DRGX: variants seen among roughly 807,000 people sequenced by gnomAD.
The protein encoded by DRGX is dorsal root ganglia homeobox.
A neutral mutation model predicts 28.6 loss-of-function variants in DRGX; 21 were observed. The observed-to-expected ratio is 0.73, with a 90% CI of 0.52 to 1.06. DRGX has a LOEUF of 1.06. Among genes scored for constraint, DRGX ranks in the 50% least tolerant of loss-of-function variants. DRGX has a pLI of 0.00. For missense variants in DRGX, 354 were observed against 343.9 expected, an observed-to-expected ratio of 1.03 and a Z score of -0.23; for synonymous variants, 136 against 139.1, an observed-to-expected ratio of 0.98 and a Z score of 0.16.
chr10:49,378,056 A>G (rs1235452022), intron 6 of DRGX, among the ~76,000 whole-genome samples: 1 of 152,220 alleles, frequency 6.6e-6, no homozygotes, highest in Non-Finnish European at 1.5e-5. Flanking sequence ...TTGTTTTAAC[A>G]TTTAAAAAAA....
At chr10:49,381,303 G>A (rs1421680554) in intron 6 of DRGX, among the ~76,000 whole-genome samples, 1 of 152,212 alleles carries the variant, frequency 6.6e-6, no homozygotes, top group Admixed American at 6.5e-5. Flanking sequence ...TGCCACACCT[G>A]CACCTGTGGA....
intron 6 of DRGX, among the ~76,000 whole-genome samples, chr10:49,378,852 T>G (rs955850887): frequency 6.6e-6 from 1 of 152,180 alleles, no homozygotes; most frequent in African/African-American, 2.4e-5. Context: ...TAAGACTCCA[T>G]GTATATGTGT....
chr10:49,379,769 A>G (rs912919741), intron 6 of DRGX, among the ~76,000 whole-genome samples: 3 of 152,200 alleles, frequency 2.0e-5, no homozygotes, highest in African/African-American at 4.8e-5. Flanking sequence ...CTGTGGCTCA[A>G]TTGCTCATGT....
chr10:49,379,021 A>G lies in DRGX; in HGVS notation c.526+7457T>C, dbSNP rs542596733. Among the ~76,000 whole-genome samples, 9 of 152,368 alleles carry G rather than the reference A, an allele frequency of 5.9e-5. No homozygotes were observed. In the South Asian group the frequency reaches 1.9e-3, roughly 32 times the overall value. ...TCTAGAACTTTTGCATGCTAACATG[A>G]CACACAAATAAAATGCTCATTGGAG... On this transcript the variant is annotated intron_variant, in intron 6 of 6. Transcript: ENST00000374139.
At chr10:49,391,365 G>A in intron 2 of DRGX, 104 bp from the exon 3 acceptor site, 1 of 838,424 alleles carries the variant, frequency 1.2e-6, no homozygotes, top group Admixed American at 2.2e-5. Context: ...CAGACAGGAA[G>A]CCCTGTTTGT....
At chr10:49,378,620 C>T (rs141775361) in intron 6 of DRGX, among the ~76,000 whole-genome samples, 82 of 152,320 alleles carry the variant, frequency 5.4e-4, no homozygotes, top group Admixed American at 2.8e-3. Context: ...TGCCTGTTTT[C>T]ACCACTTCTG....
chr10:49,384,934 G>C (rs1849815339), intron 6 of DRGX, among the ~76,000 whole-genome samples: 1 of 151,172 alleles, frequency 6.6e-6, no homozygotes, highest in Non-Finnish European at 1.5e-5. Context: ...TAAAAGAGAA[G>C]ATGACTCTCA....
intron 6 of DRGX, among the ~76,000 whole-genome samples, chr10:49,376,164 C>G (rs1258599665): frequency 2.6e-5 from 4 of 152,200 alleles, no homozygotes; most frequent in Non-Finnish European, 5.9e-5. Flanking sequence ...TCTATCTCTT[C>G]TCCAGGCCTC....
chr10:49,374,739 T>C (rs113435227), intron 6 of DRGX, among the ~76,000 whole-genome samples: 228 of 152,338 alleles, frequency 1.5e-3, no homozygotes, highest in South Asian at 7.7e-3. Context: ...CTACCAAGAC[T>C]GACAGGAAAA....
At chr10:49,374,444 C>T (rs1849696609) in intron 6 of DRGX, among the ~76,000 whole-genome samples, 1 of 152,200 alleles carries the variant, frequency 6.6e-6, no homozygotes, top group Non-Finnish European at 1.5e-5. Context: ...CCCTAAAAGG[C>T]CATGACTCCC....
chr10:49,371,791 C>CAAAAAA (rs563658320), intron 6 of DRGX, among the ~76,000 whole-genome samples: 34 of 45,468 alleles, frequency 7.5e-4, no homozygotes, highest in African/African-American at 1.9e-3. Context: ...GACTCCATCT[C>CAAAAAA]AAAAAAAAAA....
At chr10:49,386,658 G>A in intron 5 of DRGX, 22 bp downstream of exon 5, 1 of 1,571,346 alleles carries the variant, frequency 6.4e-7, no homozygotes, top group Non-Finnish European at 8.6e-7. Context: ...GGCCCACCGG[G>A]CCCAGAGACC....
chr10:49,374,198 A>G (rs1849693547), intron 6 of DRGX, among the ~76,000 whole-genome samples: 2 of 152,154 alleles, frequency 1.3e-5, no homozygotes, highest in African/African-American at 4.8e-5. Context: ...ATGGTGACAG[A>G]TGTTCTCCAG....
rs759057693 is a variant in DRGX, at chr10:49,386,604, G to A, written c.414-14C>T. The A allele has an allele frequency of 6.3e-7, 1 of 1,596,078 alleles. No individual in the cohort carries two copies. The highest frequency in any genetic ancestry group is 8.5e-7 in the Non-Finnish European group (1 of 1,171,356). ...GTTCGCCCCAGGCTGGCAAAGGAAG[G>A]AGATCATATTGAGGTCTCGCCCTGT... On this transcript the variant is annotated splice_polypyrimidine_tract_variant and intron_variant, in intron 5 of 6. Coordinates refer to ENST00000374139, the MANE Select transcript of DRGX (RefSeq NM_001276451.2).
chr10:49,370,465 T>G (rs1366626001), intron 6 of DRGX, among the ~76,000 whole-genome samples: 1 of 152,270 alleles, frequency 6.6e-6, no homozygotes, highest in East Asian at 1.9e-4. Context: ...CCTTTCCTCA[T>G]CTGCACCCCA....
chr10:49,377,408 G>T (rs1681681434), intron 6 of DRGX, among the ~76,000 whole-genome samples: 1 of 152,250 alleles, frequency 6.6e-6, no homozygotes, highest in Admixed American at 6.5e-5. Context: ...AGTGTCTGCA[G>T]TCAGTCTTCA....
chr10:49,385,095 G>A (rs756922367), intron 6 of DRGX, among the ~76,000 whole-genome samples: 32 of 152,278 alleles, frequency 2.1e-4, no homozygotes, highest in Admixed American at 4.6e-4. Flanking sequence ...CACAACTGTA[G>A]CCCCTGAGCA....
intron 6 of DRGX, 96 bp downstream of exon 6, chr10:49,386,382 G>T: frequency 8.9e-7 from 1 of 1,117,820 alleles, no homozygotes; most frequent in Non-Finnish European, 1.2e-6. Flanking sequence ...CACAGGCCCA[G>T]GTGCAAGGAC....
At chr10:49,373,756 T>C (rs916495963) in intron 6 of DRGX, among the ~76,000 whole-genome samples, 1 of 152,176 alleles carries the variant, frequency 6.6e-6, no homozygotes, top group African/African-American at 2.4e-5. Context: ...GGGTTTACGG[T>C]ATTTAGTTAT....
Sources: gnomAD v4.1 joint callset for allele counts (sites outside exome capture counted in the v4.1 genomes callset) on GRCh38, gnomAD v4.1.1 for gene constraint, MANE v1.5 for transcripts, NCBI Gene and HGNC (gene_info 2026-07-23, HGNC 2026-07-21) for gene names.